The following RASAL2 variants were observed in gnomAD, a reference collection of about 807,000 sequenced individuals.
RASAL2 encodes the protein RAS protein activator like 2.
A neutral mutation model predicts 128.9 loss-of-function variants in RASAL2; 58 were observed. The ratio of observed to expected loss-of-function variants is 0.45; its 90% confidence interval spans 0.36 to 0.56. The LOEUF is 0.56. Ranked by LOEUF, RASAL2 falls within the 20% of genes least tolerant of loss-of-function variation. RASAL2 has a pLI of 0.00. For missense variants in RASAL2, 1,360 were observed against 1,601.6 expected (o/e 0.85, Z 2.57); for synonymous variants, 561 against 580.8 (o/e 0.97, Z 0.49).
chr1:178,164,432 G>T (rs1183522058), intron 1 of RASAL2, among the ~76,000 whole-genome samples: 1 of 151,728 alleles, frequency 6.6e-6, no homozygotes, highest in Non-Finnish European at 1.5e-5. Context: ...CAGGGGAAAT[G>T]TATTTAATTT....
Position 178,300,026 on chromosome 1 carries a change from A to T in RASAL2, c.365A>T (p.Asp122Val). The T allele has an allele frequency of 6.2e-7, 1 of 1,614,008 alleles. No individual in the cohort carries two copies. The highest frequency in any genetic ancestry group is 1.7e-5 in the Admixed American group (1 of 59,982). Residue 122 changes from aspartate (D) to valine (V), a missense_variant, in exon 3 of 18, where the codon GAT becomes GTT. Transcript: ENST00000367649. ...PVEGGQEQQTDSTKGRCLRRT... is the reference protein window; with the variant it reads ...PVEGGQEQQTVSTKGRCLRRT... ...GAAGGGGGACAGGAGCAGCAGACAG[A>T]TTCCACCAAAGGGCGATGCCTGAGG...
At chr1:178,151,871 A>G (rs1238002483) in intron 1 of RASAL2, among the ~76,000 whole-genome samples, 3 of 152,196 alleles carry the variant, frequency 2.0e-5, no homozygotes, top group African/African-American at 7.2e-5. Flanking sequence ...ACGTCTGTAT[A>G]GTCCTGTGGA....
chr1:178,184,441 A>G (rs115629210), intron 1 of RASAL2, among the ~76,000 whole-genome samples: 265 of 149,926 alleles, frequency 1.8e-3, no homozygotes, highest in African/African-American at 6.1e-3. Flanking sequence ...ATTTAGATCT[A>G]TGTTCCATTT....
chr1:178,156,484 G>A (rs183846657), intron 1 of RASAL2, among the ~76,000 whole-genome samples: 8 of 152,234 alleles, frequency 5.3e-5, no homozygotes, highest in Admixed American at 3.3e-4. Flanking sequence ...TGTTATAATA[G>A]TAAGTTATGG....
rs144912039 is a variant in RASAL2, at chr1:178,237,306, C to T, written c.203-46258C>T. ...TTTCAGGAACTTGAGAGCATCGCTT[C>T]AAGCAGTATTGCGGAATAAAGGGGC... On this transcript the variant is annotated intron_variant, in intron 1 of 17. Transcript: ENST00000367649. Among the ~76,000 whole-genome samples, 33 of 152,078 alleles carry T rather than the reference C, an allele frequency of 2.2e-4. No individual in the cohort carries two copies. In the East Asian group the frequency reaches 6.4e-3, roughly 30 times the overall value.
chr1:178,389,212 T>C, intron 3 of RASAL2: 1 of 941,488 alleles, frequency 1.1e-6, no homozygotes, highest in Non-Finnish European at 1.3e-6. Flanking sequence ...GGCTTTTTTT[T>C]CCTTGTCCAT....
At chr1:178,260,364 ATATATATATATATATATATATATAT>A (rs1405312900) in intron 1 of RASAL2, among the ~76,000 whole-genome samples, 539 of 19,616 alleles carry the variant, frequency 0.027, 158 homozygotes, top group Middle Eastern at 0.096. Flanking sequence ...AAAAAAAAAA[ATATATATATATATATATATATATAT>A]ATATATATAT....
intron 1 of RASAL2, among the ~76,000 whole-genome samples, chr1:178,244,631 C>T (rs1243990926): frequency 6.6e-6 from 1 of 152,162 alleles, no homozygotes; most frequent in Non-Finnish European, 1.5e-5. Context: ...CATAGGTATA[C>T]ATGTGCCATG....
At chr1:178,241,987 A>T (rs1664519235) in intron 1 of RASAL2, among the ~76,000 whole-genome samples, 1 of 152,138 alleles carries the variant, frequency 6.6e-6, no homozygotes, top group Non-Finnish European at 1.5e-5. Flanking sequence ...GAGCACAAGG[A>T]TGGAGAACTG....
intron 1 of RASAL2, among the ~76,000 whole-genome samples, chr1:178,274,543 C>A (rs1488754673): frequency 6.6e-6 from 1 of 152,106 alleles, no homozygotes; most frequent in Non-Finnish European, 1.5e-5. Flanking sequence ...TAATATAATA[C>A]TATGGTCATA....
In RASAL2 at chr1:178,228,514, G is replaced by A. The variant is rs985132148; in HGVS notation, c.203-55050G>A. ...AGAGAATTGCTTGAACTGGGGAGGC[G>A]GAGGTTGCAATGAGCCAAGCGTGCC... On this transcript the variant is annotated intron_variant, in intron 1 of 17. Coordinates refer to ENST00000367649, the MANE Select transcript of RASAL2 (RefSeq NM_170692.4). 7.2e-5 allele frequency among the ~76,000 whole-genome samples: 11 copies of A among 152,146 alleles called. No homozygotes were observed. In the East Asian group the frequency reaches 7.7e-4, roughly 11 times the overall value.
intron 3 of RASAL2, among the ~76,000 whole-genome samples, chr1:178,310,856 G>T (rs1401492123): frequency 6.6e-6 from 1 of 152,092 alleles, no homozygotes; most frequent in African/African-American, 2.4e-5. Context: ...TTCAATAAAG[G>T]ACTCCCTTTC....
chr1:178,147,970 C>T (rs772859039), intron 1 of RASAL2, among the ~76,000 whole-genome samples: 12 of 151,952 alleles, frequency 7.9e-5, no homozygotes, highest in Non-Finnish European at 1.3e-4. Context: ...ACTTGGAAGG[C>T]GGAGGCAGGA....
At chr1:178,353,081 T>A (rs1049532386) in intron 3 of RASAL2, among the ~76,000 whole-genome samples, 1 of 152,258 alleles carries the variant, frequency 6.6e-6, no homozygotes, top group African/African-American at 2.4e-5. Context: ...TGGCTATCAG[T>A]ACTTGGCACC....
In RASAL2 at chr1:178,420,537, C is replaced by T; in HGVS notation, c.591C>T (p.Gly197=). The change falls in exon 5 of 18, where the codon GGC becomes GGT. Residue 197 remains glycine (G), a synonymous_variant. Coordinates refer to ENST00000367649, the MANE Select transcript of RASAL2 (RefSeq NM_170692.4). ...GATTCTTCAGCAAGCGCCTGAAAGG[C>T]TCCATCAAGAGGACCAAAAGCCAGT... ...VPGFFSKRLK[G]SIKRTKSQSK... 6.2e-7 allele frequency: 1 copy of T among 1,612,738 alleles called. No homozygotes were observed. Among genetic ancestry groups the T allele is most frequent in the African/African-American group, 1.3e-5 (1 of 74,986 alleles).
intron 3 of RASAL2, among the ~76,000 whole-genome samples, chr1:178,372,708 C>G (rs1671783710): frequency 6.6e-6 from 1 of 152,084 alleles, no homozygotes; most frequent in African/African-American, 2.4e-5. Flanking sequence ...GCTTTGTGTG[C>G]ATGAAAAGCC....
Position 178,454,539 on chromosome 1 carries a change from A to C in RASAL2, c.2102A>C (p.Asn701Thr), listed in dbSNP as rs912455055. The part of the protein sequence containing the change: ...GMKRFLLEIS[N>T]PDTISNTPGF... Reference sequence around the variant, plus strand: ...AAGCGCTTTCTTTTGGAGATCTCTAATCCAGACACCATCTCAAACACCCCA... The same window carrying C: ...AAGCGCTTTCTTTTGGAGATCTCTACTCCAGACACCATCTCAAACACCCCA... The change falls in exon 12 of 18, where the codon AAT becomes ACT. Residue 701 changes from asparagine to threonine, a missense_variant. Asn to Thr is a moderately conservative substitution (Grantham distance 65). Coordinates refer to ENST00000367649, the MANE Select transcript of RASAL2 (RefSeq NM_170692.4). 6.2e-7 allele frequency: 1 copy of C among 1,613,714 alleles called. No homozygotes were observed.
At position 178,439,556 on chromosome 1, in the gene RASAL2, G is replaced by A; in HGVS notation, c.809G>A (p.Gly270Glu). Residue 270 changes from glycine to glutamate, a missense_variant, in exon 6 of 18, where the codon GGA becomes GAA. By Grantham distance (98) the Gly-to-Glu change is moderately conservative (BLOSUM62 -2). Around this residue, in one of 3 missense-constraint regions of RASAL2, gnomAD observed 617 missense variants for 714.2 expected, o/e 0.86. Transcript: ENST00000367649. ...AAACCACTTCATAGTAGCATCCTTG[G>A]ACAAGACTTCTGCTTTGAGGTAAAA... is the stretch of plus-strand genomic sequence containing the variant. ...SVKPLHSSILGQDFCFEVTYL... is the reference protein window; with the variant it reads ...SVKPLHSSILEQDFCFEVTYL... 1 of 1,611,188 alleles carries A rather than the reference G, an allele frequency of 6.2e-7. No individual in the cohort carries two copies. The highest frequency in any genetic ancestry group is 2.2e-5 in the East Asian group (1 of 44,818).
rs1448513451 is a variant in RASAL2 at position 178,292,021 on chromosome 1, G to A, written c.331-7971G>A. ...ATTGCACTCCAGCCTGGGTGACTGG[G>A]CAAGACTTTGTCTCAAAAAAAAAAA... On this transcript the variant is annotated intron_variant, in intron 2 of 17. Transcript: ENST00000367649. Among the ~76,000 whole-genome samples the A allele has an allele frequency of 3.3e-5, 4 of 122,914 alleles. No individual in the cohort carries two copies. In the Admixed American group the frequency reaches 3.6e-4, roughly 11 times the overall value. The allele number at this position is 122,914 out of a possible 152,430, so 80.6% of individuals were successfully genotyped here.
Sources: allele counts gnomAD v4.1 joint callset (sites outside exome capture counted in the v4.1 genomes callset), GRCh38; gene constraint gnomAD v4.1.1; regional missense constraint gnomAD v4.1.1; transcripts MANE v1.5; gene names NCBI Gene and HGNC (gene_info 2026-07-23, HGNC 2026-07-21).